Variants in ARMC8 observed in about 807,000 individuals in gnomAD.
ARMC8 encodes armadillo repeat containing 8.
In ARMC8, 20 loss-of-function variants were observed where a neutral mutation model predicts 99.3. The observed-to-expected ratio is 0.20, with a 90% CI of 0.14 to 0.29. ARMC8 has a LOEUF of 0.29. Among genes scored for constraint, ARMC8 ranks in the 10% least tolerant of loss-of-function variants. ARMC8 has a pLI of 1.00. For missense variants in ARMC8, 569 were observed against 809.5 expected (o/e 0.70, Z 3.60); for synonymous variants, 263 against 278.3 (o/e 0.95, Z 0.55).
intron 2 of ARMC8, among the ~76,000 whole-genome samples, chr3:138,221,571 CTGT>C (rs367581823): frequency 3.4e-4 from 51 of 151,602 alleles, no homozygotes; most frequent in Middle Eastern, 3.5e-3. Context: ...GCTGTTTTTT[CTGT>C]TGTTGTTGTT....
At chr3:138,241,151 G>T (rs1189251825) in intron 10 of ARMC8, among the ~76,000 whole-genome samples, 1 of 152,240 alleles carries the variant, frequency 6.6e-6, no homozygotes, top group Non-Finnish European at 1.5e-5. Context: ...AGGGACCTCA[G>T]AAGTAAAATT....
At chr3:138,200,776 A>G (rs2044012303) in intron 1 of ARMC8, among the ~76,000 whole-genome samples, 1 of 152,136 alleles carries the variant, frequency 6.6e-6, no homozygotes, top group Non-Finnish European at 1.5e-5. Flanking sequence ...GCACTTGGAA[A>G]CAAAATATGC....
intron 2 of ARMC8, among the ~76,000 whole-genome samples, chr3:138,212,075 G>A (rs1366878645): frequency 6.6e-6 from 1 of 152,002 alleles, no homozygotes; most frequent in Non-Finnish European, 1.5e-5. Flanking sequence ...ACTAAAATCT[G>A]TTTATAGTTT....
At chr3:138,262,873 T>G (rs559171118) in intron 12 of ARMC8, among the ~76,000 whole-genome samples, 7 of 152,310 alleles carry the variant, frequency 4.6e-5, no homozygotes, top group Non-Finnish European at 1.5e-5. Context: ...GCATATAGAC[T>G]CTGGAGTCAC....
At chr3:138,225,134 C>T (rs1466907147) in intron 5 of ARMC8, among the ~76,000 whole-genome samples, 6 of 117,350 alleles carry the variant, frequency 5.1e-5, no homozygotes, top group Non-Finnish European at 5.0e-5. Context: ...TTTTTGGAGA[C>T]GGTGTCTCTC....
At chr3:138,219,907 GT>G (rs1457777095) in intron 2 of ARMC8, among the ~76,000 whole-genome samples, 2 of 152,128 alleles carry the variant, frequency 1.3e-5, no homozygotes, top group African/African-American at 2.4e-5. Flanking sequence ...GGTTTGAGAT[GT>G]TTGGAATGGG....
intron 21 of ARMC8, among the ~76,000 whole-genome samples, chr3:138,293,222 C>T (rs781286762): frequency 4.6e-5 from 7 of 152,154 alleles, no homozygotes; most frequent in African/African-American, 1.4e-4. Flanking sequence ...TCTGCTTCCC[C>T]GAAGCTTACC....
At chr3:138,243,192 A>G (rs1379372278) in intron 11 of ARMC8, among the ~76,000 whole-genome samples, 2 of 152,252 alleles carry the variant, frequency 1.3e-5, no homozygotes, top group African/African-American at 2.4e-5. Context: ...CATGTAGCCT[A>G]TGCATATGCA....
At chr3:138,229,051 A>G (rs771271188) in intron 6 of ARMC8, 41 bp downstream of exon 6, 6 of 1,455,258 alleles carry the variant, frequency 4.1e-6, no homozygotes, top group South Asian at 3.5e-5. Context: ...GTAAAATCTT[A>G]TTATGCCTTT....
In ARMC8 at chr3:138,296,215, T is replaced by C. The variant is rs2051469900; in HGVS notation, c.*323T>C. On this transcript the variant is annotated 3_prime_UTR_variant, in exon 22 of 22. Coordinates refer to ENST00000469044, the MANE Select transcript of ARMC8 (RefSeq NM_001363941.2). ...GCCACTTTGTGAGTGAGAATGAATA[T>C]GTCTGTGTGAACACACAGGCATGCG... The C allele has an allele frequency of 3.8e-6, 1 of 262,820 alleles. No individual in the cohort carries two copies. 16.3% of individuals were successfully genotyped at this position (262,820 alleles called of 1,614,324 possible). A position where few individuals can be genotyped will look rare whatever the true frequency, so the allele number is the denominator to read the frequency against.
At chr3:138,228,591 C>T (rs1485153826) in intron 5 of ARMC8, 1 of 426,804 alleles carries the variant, frequency 2.3e-6, no homozygotes, top group Non-Finnish European at 4.6e-6. Context: ...TACTAGTTAC[C>T]TCACATTTTG....
chr3:138,289,679 C>A (rs1246147822), intron 20 of ARMC8, among the ~76,000 whole-genome samples: 1 of 152,046 alleles, frequency 6.6e-6, no homozygotes, highest in African/African-American at 2.4e-5. Context: ...TCGGGGTGGG[C>A]TCCAGGCATA....
Position 138,199,674 on chromosome 3 carries a change from G to A in ARMC8, c.46-10143G>A, listed in dbSNP as rs1334482947. Among the ~76,000 whole-genome samples the A allele has an allele frequency of 2.6e-5, 4 of 152,322 alleles. No individual in the cohort carries two copies. The South Asian group carries it at 6.2e-4, about 24-fold the overall frequency. On this transcript the variant is annotated intron_variant, in intron 1 of 21. Transcript: ENST00000469044. Reference sequence around the variant, plus strand: ...GATTTCATGAGAACACAACCAGAACGAAGGGGAAGACGTGATTTGAAATTA... The same window carrying A: ...GATTTCATGAGAACACAACCAGAACAAAGGGGAAGACGTGATTTGAAATTA...
intron 1 of ARMC8, among the ~76,000 whole-genome samples, chr3:138,192,766 T>C (rs2107948656): frequency 6.6e-6 from 1 of 152,100 alleles, no homozygotes; most frequent in South Asian, 2.1e-4. Flanking sequence ...AACTCCTAAG[T>C]GTAAGCCATA....
chr3:138,192,998 C>T (rs1191995807), intron 1 of ARMC8, among the ~76,000 whole-genome samples: 6 of 151,684 alleles, frequency 4.0e-5, no homozygotes, highest in East Asian at 1.9e-4. Context: ...ATATGTGTTT[C>T]GCTCTTGTTG....
chr3:138,278,212 A>G (rs926791066), intron 18 of ARMC8, among the ~76,000 whole-genome samples: 4 of 152,146 alleles, frequency 2.6e-5, no homozygotes, highest in African/African-American at 9.7e-5. Flanking sequence ...AAGATTCTAT[A>G]TATACATTTG....
At chr3:138,237,214 T>G in intron 7 of ARMC8, 95 bp from the exon 8 acceptor site, 1 of 1,080,480 alleles carries the variant, frequency 9.3e-7, no homozygotes, top group Non-Finnish European at 1.4e-6. Flanking sequence ...TTAAGCAGAT[T>G]TACATAATTT....
chr3:138,255,823 T>C (rs2047372304), intron 12 of ARMC8, among the ~76,000 whole-genome samples: 1 of 152,020 alleles, frequency 6.6e-6, no homozygotes, highest in African/African-American at 2.4e-5. Flanking sequence ...CTACTAAAAA[T>C]ACAAAAATTA....
At chr3:138,236,969 C>T (rs918030439) in intron 7 of ARMC8, among the ~76,000 whole-genome samples, 1 of 152,040 alleles carries the variant, frequency 6.6e-6, no homozygotes, top group Non-Finnish European at 1.5e-5. Context: ...TTTTTTTATT[C>T]GCTTTGAAAG....
Sources: gnomAD v4.1 joint callset for allele counts (sites outside exome capture counted in the v4.1 genomes callset) on GRCh38, gnomAD v4.1.1 for gene constraint, MANE v1.5 for transcripts, NCBI Gene and HGNC (gene_info 2026-07-23, HGNC 2026-07-21) for gene names.